The following BFSP2 variants were observed in gnomAD, a reference collection of about 807,000 sequenced individuals.
BFSP2 encodes phakinin.
Under a neutral mutation model 44.9 loss-of-function variants are expected in BFSP2, and 38 were observed. The observed-to-expected ratio is 0.85, with a 90% confidence interval of 0.65 to 1.11. The LOEUF (loss-of-function observed/expected upper bound fraction) is 1.11. BFSP2 is among the 50% of genes least tolerant of loss of function. BFSP2 has a pLI of 0.00. For synonymous variants in BFSP2, 197 were observed against 209.9 expected, an observed-to-expected ratio of 0.94 and a Z score of 0.53; for missense variants, 525 against 533.0, an observed-to-expected ratio of 0.99 and a Z score of 0.15.
chr3:133,421,705 C>T (rs2073594100), intron 1 of BFSP2, among the ~76,000 whole-genome samples: 1 of 152,202 alleles, frequency 6.6e-6, no homozygotes, highest in Admixed American at 6.5e-5. Context: ...AGTCCTGATT[C>T]CCAACATTTT....
intron 5 of BFSP2, 124 bp downstream of exon 5, chr3:133,467,083 C>A: frequency 7.5e-7 from 1 of 1,334,558 alleles, no homozygotes. Flanking sequence ...GTTTTGAGGC[C>A]TGAAATGTCT....
intron 4 of BFSP2, among the ~76,000 whole-genome samples, chr3:133,464,998 TTTC>T (rs1253484227): frequency 6.9e-6 from 1 of 144,694 alleles, no homozygotes; most frequent in African/African-American, 2.5e-5. Context: ...TGACTTGGGG[TTTC>T]TTTTTTTTTT....
chr3:133,427,837 T>G (rs1171137922), intron 1 of BFSP2, among the ~76,000 whole-genome samples: 1 of 152,126 alleles, frequency 6.6e-6, no homozygotes, highest in African/African-American at 2.4e-5. Context: ...TTAGTTCCAG[T>G]GGAGATTAAG....
intron 1 of BFSP2, chr3:133,404,924 G>T (rs1167012361): frequency 6.6e-6 from 1 of 152,248 alleles, no homozygotes; most frequent in Non-Finnish European, 1.5e-5. Context: ...AACTACAGAG[G>T]CTGAGGAAGA....
chr3:133,436,383 C>G (rs1451893787), intron 1 of BFSP2, among the ~76,000 whole-genome samples: 1 of 148,440 alleles, frequency 6.7e-6, no homozygotes, highest in Non-Finnish European at 1.5e-5. Context: ...CATTTTTTTC[C>G]ATGAATTTAT....
At chr3:133,447,458 TG>T in intron 2 of BFSP2, 59 bp downstream of exon 2, 1 of 1,536,618 alleles carries the variant, frequency 6.5e-7, no homozygotes, top group Non-Finnish European at 8.9e-7. Context: ...TAGGCAAGTG[TG>T]GATAATGCTG....
intron 5 of BFSP2, among the ~76,000 whole-genome samples, chr3:133,468,641 G>A (rs1321495724): frequency 2.0e-5 from 3 of 152,208 alleles, no homozygotes; most frequent in Non-Finnish European, 4.4e-5. Context: ...TAGCACCTGA[G>A]TGAGCACAGA....
intron 1 of BFSP2, among the ~76,000 whole-genome samples, chr3:133,422,573 C>T (rs2073602810): frequency 6.6e-6 from 1 of 152,202 alleles, no homozygotes; most frequent in African/African-American, 2.4e-5. Flanking sequence ...TCCCCATCAT[C>T]TCTGAGCAGT....
chr3:133,459,502 C>G (rs539756403), intron 4 of BFSP2, among the ~76,000 whole-genome samples: 1 of 152,200 alleles, frequency 6.6e-6, no homozygotes, highest in African/African-American at 2.4e-5. Flanking sequence ...GCAGCTCCAA[C>G]GGAGGCTGGG....
At chr3:133,435,133 C>T (rs1166700696) in intron 1 of BFSP2, among the ~76,000 whole-genome samples, 6 of 152,072 alleles carry the variant, frequency 3.9e-5, no homozygotes, top group Admixed American at 2.6e-4. Context: ...GTAAGGTGGA[C>T]GCCTAATGAT....
intron 1 of BFSP2, among the ~76,000 whole-genome samples, chr3:133,446,786 G>A (rs1299831354): frequency 6.6e-6 from 1 of 150,860 alleles, no homozygotes; most frequent in East Asian, 2.0e-4. Context: ...ATGTTCACGT[G>A]TATGTTTTGG....
chr3:133,416,259 TCTC>T (rs1336421781), intron 1 of BFSP2, among the ~76,000 whole-genome samples: 1 of 126,318 alleles, frequency 7.9e-6, no homozygotes, highest in African/African-American at 3.2e-5. Context: ...TCCCCTGTCC[TCTC>T]TCCTCTACTC....
At chr3:133,416,839 C>T (rs1339610337) in intron 1 of BFSP2, among the ~76,000 whole-genome samples, 3 of 144,926 alleles carry the variant, frequency 2.1e-5, no homozygotes, top group Admixed American at 6.8e-5. Context: ...CTCTACTCAG[C>T]CCTGTTCTCT....
At chr3:133,426,213 C>T (rs962288014) in intron 1 of BFSP2, among the ~76,000 whole-genome samples, 5 of 151,892 alleles carry the variant, frequency 3.3e-5, no homozygotes, top group African/African-American at 1.2e-4. Flanking sequence ...CCTGTGACCC[C>T]TCCCCCAAGT....
intron 1 of BFSP2, among the ~76,000 whole-genome samples, chr3:133,426,413 A>C (rs1055940493): frequency 1.3e-5 from 2 of 152,200 alleles, no homozygotes; most frequent in African/African-American, 4.8e-5. Flanking sequence ...CCCTTTATAC[A>C]TACATCTCTT....
chr3:133,431,484 G>A (rs540416423), intron 1 of BFSP2, among the ~76,000 whole-genome samples: 11 of 152,214 alleles, frequency 7.2e-5, no homozygotes, highest in African/African-American at 2.2e-4. Context: ...ATCTGTGCGG[G>A]ACCCCACTGG....
chr3:133,407,407 C>T (rs993410002), intron 1 of BFSP2, among the ~76,000 whole-genome samples: 4 of 152,162 alleles, frequency 2.6e-5, no homozygotes, highest in Non-Finnish European at 5.9e-5. Context: ...ACCATGCACT[C>T]AAATAGACTC....
chr3:133,442,952 G>T (rs551442249), intron 1 of BFSP2, among the ~76,000 whole-genome samples: 1 of 152,016 alleles, frequency 6.6e-6, no homozygotes, highest in South Asian at 2.1e-4. Flanking sequence ...CTGCCTCCTG[G>T]GTTCAAGCCA....
rs143187319 is a variant in BFSP2 at position 133,401,424 on chromosome 3, A to C, written c.489+852A>C. On this transcript the variant is annotated intron_variant, in intron 1 of 6. Transcript: ENST00000302334. ...ATCTAATTTTCATTAATTTAAATGTAAACAGCCACAGGTAGCTAATGGCTA... is the reference window on the plus strand; with the variant it reads ...ATCTAATTTTCATTAATTTAAATGTCAACAGCCACAGGTAGCTAATGGCTA... Among the ~76,000 whole-genome samples the C allele has an allele frequency of 2.6e-3, 395 of 152,354 alleles. 3 individuals are homozygous for C. Among genetic ancestry groups the C allele is most frequent in the African/African-American group, 9.0e-3 (374 of 41,580 alleles).
Sources: allele counts gnomAD v4.1 joint callset (sites outside exome capture counted in the v4.1 genomes callset), GRCh38; gene constraint gnomAD v4.1.1; transcripts MANE v1.5; gene names NCBI Gene and HGNC (gene_info 2026-07-23, HGNC 2026-07-21).